Variants in LOC128092252 observed in about 807,000 individuals in gnomAD.
chr15:50,662,903 A>C, the LOC128092252 span: 26 of 1,173,096 alleles, frequency 2.2e-5, no homozygotes, highest in East Asian at 6.2e-4. Context: ...TCCAATAAAG[A>C]AATAACAATA....
At chr15:50,680,127 G>T in the LOC128092252 span, among the ~76,000 whole-genome samples, 1 of 151,956 alleles carries the variant, frequency 6.6e-6, no homozygotes, top group Non-Finnish European at 1.5e-5. Context: ...CTAGCTACTC[G>T]GGAGGCTGAC....
the LOC128092252 span, among the ~76,000 whole-genome samples, chr15:50,670,250 G>A: frequency 6.6e-6 from 1 of 152,090 alleles, no homozygotes; most frequent in Non-Finnish European, 1.5e-5. Flanking sequence ...GGGGGGAAAC[G>A]TCAGAGGTGT....
the LOC128092252 span, among the ~76,000 whole-genome samples, chr15:50,655,978 G>A: frequency 6.0e-3 from 900 of 149,134 alleles, 3 homozygotes; most frequent in Non-Finnish European, 8.8e-3. Context: ...TGGGCAACAG[G>A]GCAAGACTCC....
chr15:50,684,996 T>A, the LOC128092252 span, among the ~76,000 whole-genome samples: 2 of 152,236 alleles, frequency 1.3e-5, no homozygotes, highest in Non-Finnish European at 2.9e-5. Context: ...AGTCCTTGTC[T>A]TTTTAGACAT....
At chr15:50,679,489 T>C in the LOC128092252 span, among the ~76,000 whole-genome samples, 1 of 118,842 alleles carries the variant, frequency 8.4e-6, no homozygotes, top group Non-Finnish European at 1.7e-5. Context: ...TATATATATA[T>C]TATATATATG....
the LOC128092252 span, among the ~76,000 whole-genome samples, chr15:50,658,689 TA>T: frequency 3.3e-5 from 5 of 151,868 alleles, no homozygotes; most frequent in African/African-American, 9.7e-5. Context: ...CCCATCAAAA[TA>T]AAAAACGTTG....
the LOC128092252 span, among the ~76,000 whole-genome samples, chr15:50,666,975 C>T: frequency 2.6e-5 from 4 of 152,156 alleles, no homozygotes; most frequent in East Asian, 1.9e-4. Context: ...TGTATGGATT[C>T]GCCTCAAATT....
chr15:50,684,924 T>C, the LOC128092252 span, among the ~76,000 whole-genome samples: 1 of 152,244 alleles, frequency 6.6e-6, no homozygotes, highest in Non-Finnish European at 1.5e-5. Flanking sequence ...TGCTGAATAT[T>C]TAATGATACT....
At chr15:50,657,924 G>T in the LOC128092252 span, 4 of 774,206 alleles carry the variant, frequency 5.2e-6, no homozygotes, top group South Asian at 2.0e-5. Flanking sequence ...TATATACCTA[G>T]TTTAATTTTT....
chr15:50,680,582 AC>A, the LOC128092252 span, among the ~76,000 whole-genome samples: 2 of 151,858 alleles, frequency 1.3e-5, no homozygotes, highest in Non-Finnish European at 2.9e-5. Flanking sequence ...AAAAAAAAAA[AC>A]AAAAACCAGA....
At chr15:50,661,122 G>A in the LOC128092252 span, among the ~76,000 whole-genome samples, 1 of 151,844 alleles carries the variant, frequency 6.6e-6, no homozygotes, top group South Asian at 2.1e-4. Context: ...GATGACAGGT[G>A]CCCACTACCA....
chr15:50,662,890 G>T, the LOC128092252 span: 3 of 1,032,656 alleles, frequency 2.9e-6, no homozygotes, highest in Non-Finnish European at 4.4e-6. Flanking sequence ...AGTGGTTTTT[G>T]TTTCCAATAA....
the LOC128092252 span, among the ~76,000 whole-genome samples, chr15:50,678,038 G>A: frequency 6.6e-6 from 1 of 151,614 alleles, no homozygotes; most frequent in Non-Finnish European, 1.5e-5. Flanking sequence ...AGGAGATTGA[G>A]ACCAGTCTGA....
At chr15:50,655,553 A>G in the LOC128092252 span, among the ~76,000 whole-genome samples, 1 of 152,112 alleles carries the variant, frequency 6.6e-6, no homozygotes, top group African/African-American at 2.4e-5. Context: ...TATTATAGAC[A>G]TGCTGCTGAA....
chr15:50,666,514 GAA>G, the LOC128092252 span, among the ~76,000 whole-genome samples: 2 of 151,734 alleles, frequency 1.3e-5, no homozygotes, highest in East Asian at 3.9e-4. Context: ...AGAGGAAAAA[GAA>G]AAAGAGGCCG....
the LOC128092252 span, among the ~76,000 whole-genome samples, chr15:50,656,227 T>C: frequency 6.6e-6 from 1 of 152,192 alleles, no homozygotes; most frequent in Admixed American, 6.5e-5. Context: ...AACCTCACCA[T>C]CTATAAGAAG....
At chr15:50,674,649 T>A in the LOC128092252 span, among the ~76,000 whole-genome samples, 2 of 152,314 alleles carry the variant, frequency 1.3e-5, no homozygotes, top group South Asian at 4.1e-4. Context: ...CTTTTCATAT[T>A]CTTTTTGTTA....
the LOC128092252 span, among the ~76,000 whole-genome samples, chr15:50,652,714 A>AAAAAAC: frequency 6.6e-6 from 1 of 152,136 alleles, no homozygotes. Context: ...CTGCTTTGGA[A>AAAAAAC]AAAAACAAAA....
the LOC128092252 span, among the ~76,000 whole-genome samples, chr15:50,678,873 CA>C: frequency 0.54 from 81,506 of 150,256 alleles, 22,167 homozygotes; most frequent in Admixed American, 0.62. Flanking sequence ...TTTGCAAAAA[CA>C]AAAAAAAAAA....
Sources: allele counts gnomAD v4.1 joint callset (sites outside exome capture counted in the v4.1 genomes callset), GRCh38; gene constraint gnomAD v4.1.1; transcripts MANE v1.5.